The following ATP8A1 variants were observed in gnomAD, a reference collection of about 807,000 sequenced individuals.
ATP8A1 encodes the protein phospholipid-transporting ATPase IA.
ATP8A1 carries 90 observed loss-of-function variants against 177.7 expected under a neutral mutation model. The observed-to-expected ratio is 0.51, with a 90% confidence interval of 0.43 to 0.60. The LOEUF is 0.60. Ranked by LOEUF, ATP8A1 falls within the 20% of genes least tolerant of loss-of-function variation. The pLI, the probability that ATP8A1 is intolerant of heterozygous loss-of-function variation, is 0.00. For synonymous variants in ATP8A1, 493 were observed against 485.9 expected (o/e 1.01, Z -0.19); for missense variants, 1,072 against 1,392.8 (o/e 0.77, Z 3.67).
intron 25 of ATP8A1, among the ~76,000 whole-genome samples, chr4:42,476,442 A>T (rs1721073158): frequency 6.6e-6 from 1 of 151,944 alleles, no homozygotes; most frequent in African/African-American, 2.4e-5. Context: ...AATATGGTGA[A>T]ACCCTATCTT....
chr4:42,541,429 C>T (rs892396666), intron 20 of ATP8A1, among the ~76,000 whole-genome samples: 2 of 152,108 alleles, frequency 1.3e-5, no homozygotes, highest in Non-Finnish European at 2.9e-5. Flanking sequence ...AATGGGAATG[C>T]AAAATGGCAT....
At chr4:42,439,573 AG>A (rs1385897134) in intron 33 of ATP8A1, among the ~76,000 whole-genome samples, 1 of 152,258 alleles carries the variant, frequency 6.6e-6, no homozygotes, top group African/African-American at 2.4e-5. Flanking sequence ...GAATGAGGAA[AG>A]AAATGAAGAT....
At chr4:42,579,681 A>C in intron 11 of ATP8A1, 132 bp downstream of exon 11, 1 of 842,346 alleles carries the variant, frequency 1.2e-6, no homozygotes, top group Non-Finnish European at 1.8e-6. Flanking sequence ...CTGAAAAATA[A>C]AGATCAAATG....
intron 9 of ATP8A1, 129 bp from the exon 10 acceptor site, chr4:42,581,861 TC>T (rs1733119079): frequency 6.0e-6 from 4 of 671,722 alleles, no homozygotes; most frequent in East Asian, 2.8e-5. Flanking sequence ...GAAAGTAATT[TC>T]CCCCCAGTAC....
chr4:42,458,094 AG>A (rs1156562992), intron 27 of ATP8A1, among the ~76,000 whole-genome samples: 2 of 152,332 alleles, frequency 1.3e-5, no homozygotes, highest in African/African-American at 4.8e-5. Context: ...ATCTTAAAGG[AG>A]AAAGAGAAGG....
chr4:42,465,164 A>G, intron 25 of ATP8A1, 88 bp from the exon 26 acceptor site: 1 of 1,162,114 alleles, frequency 8.6e-7, no homozygotes, highest in Non-Finnish European at 1.2e-6. Context: ...GATGCAAAAG[A>G]CCTAAATGAA....
chr4:42,445,340 C>T (rs1163429774), intron 31 of ATP8A1, among the ~76,000 whole-genome samples: 2 of 152,164 alleles, frequency 1.3e-5, no homozygotes, highest in African/African-American at 2.4e-5. Context: ...TACTTCACGT[C>T]TCTGTGTCTC....
intron 20 of ATP8A1, among the ~76,000 whole-genome samples, chr4:42,534,732 A>G (rs1159966304): frequency 6.6e-6 from 1 of 152,200 alleles, no homozygotes; most frequent in Non-Finnish European, 1.5e-5. Context: ...AGTCAAGATG[A>G]AGAAAAAAAT....
intron 15 of ATP8A1, among the ~76,000 whole-genome samples, chr4:42,564,123 T>A (rs1200923047): frequency 6.6e-6 from 1 of 152,182 alleles, no homozygotes; most frequent in East Asian, 1.9e-4. Flanking sequence ...AATTGAGGTT[T>A]GGAAACCTCT....
rs895768770 is a variant in ATP8A1 at position 42,411,826 on chromosome 4, G to A, written c.*1090C>T. The A allele has an allele frequency of 6.6e-6, 1 of 152,158 alleles. No homozygotes were observed. The highest frequency in any genetic ancestry group is 2.4e-5 in the African/African-American group (1 of 41,444). 9.4% of individuals were successfully genotyped at this position (152,158 alleles called of 1,614,324 possible). On this transcript the variant is annotated 3_prime_UTR_variant, in exon 37 of 37. Coordinates refer to ENST00000381668, the MANE Select transcript of ATP8A1 (RefSeq NM_006095.2). The stretch of plus-strand genomic sequence containing the variant: ...TGAGTGAACTGTGAAATAATTTTCA[G>A]TCTTCAGTATAGGGGGCAGTCACCA...
intron 24 of ATP8A1, 56 bp downstream of exon 24, chr4:42,503,394 T>C: frequency 9.8e-7 from 1 of 1,025,114 alleles, no homozygotes; most frequent in Non-Finnish European, 1.5e-6. Context: ...GAATATAAAA[T>C]ACTATAGCAT....
At chr4:42,522,131 C>T in intron 22 of ATP8A1, 29 bp downstream of exon 22, 1 of 1,584,466 alleles carries the variant, frequency 6.3e-7, no homozygotes, top group Non-Finnish European at 8.5e-7. Flanking sequence ...ACCAAACCCT[C>T]TGTATGATCA....
chr4:42,480,668 T>C (rs1721581396), intron 25 of ATP8A1, among the ~76,000 whole-genome samples: 1 of 152,228 alleles, frequency 6.6e-6, no homozygotes, highest in Non-Finnish European at 1.5e-5. Context: ...ACTCATGCTA[T>C]GACAGCAAAT....
chr4:42,547,186 A>C (rs2153208675), intron 19 of ATP8A1, among the ~76,000 whole-genome samples: 1 of 152,024 alleles, frequency 6.6e-6, no homozygotes, highest in South Asian at 2.1e-4. Context: ...TCCTATTCCC[A>C]CTTCTGCCAT....
intron 16 of ATP8A1, among the ~76,000 whole-genome samples, chr4:42,554,056 T>C (rs1212704811): frequency 6.6e-6 from 1 of 152,200 alleles, no homozygotes; most frequent in African/African-American, 2.4e-5. Flanking sequence ...GGCCAGATCA[T>C]GTTACTTTAT....
intron 20 of ATP8A1, among the ~76,000 whole-genome samples, chr4:42,526,242 G>A (rs1726659982): frequency 6.6e-6 from 1 of 152,158 alleles, no homozygotes; most frequent in African/African-American, 2.4e-5. Flanking sequence ...AGAAAAAGCA[G>A]AAGAAAGATG....
chr4:42,653,683 T>C (rs1227575388), intron 1 of ATP8A1, among the ~76,000 whole-genome samples: 1 of 152,220 alleles, frequency 6.6e-6, no homozygotes, highest in African/African-American at 2.4e-5. Context: ...CCCTGTTAGA[T>C]ATTATATATT....
At chr4:42,476,435 A>C (rs1271708733) in intron 25 of ATP8A1, among the ~76,000 whole-genome samples, 1 of 151,956 alleles carries the variant, frequency 6.6e-6, no homozygotes, top group Non-Finnish European at 1.5e-5. Flanking sequence ...CCTGGCCAAT[A>C]TGGTGAAACC....
chr4:42,615,823 T>C (rs1736849411), intron 5 of ATP8A1, among the ~76,000 whole-genome samples: 1 of 152,272 alleles, frequency 6.6e-6, no homozygotes, highest in Non-Finnish European at 1.5e-5. Context: ...ATATTTAAAA[T>C]GTTGGCTTTC....
Sources: gnomAD v4.1 joint callset for allele counts (sites outside exome capture counted in the v4.1 genomes callset) on GRCh38, gnomAD v4.1.1 for gene constraint, MANE v1.5 for transcripts, NCBI Gene and HGNC (gene_info 2026-07-23, HGNC 2026-07-21) for gene names.